CNRIP1: variants seen among roughly 807,000 people sequenced by gnomAD.
CNRIP1 encodes the protein cannabinoid receptor interacting protein 1.
Under a neutral mutation model 15.2 loss-of-function variants are expected in CNRIP1, and 10 were observed. The ratio of observed to expected loss-of-function variants is 0.66; its 90% CI spans 0.41 to 1.12. CNRIP1 has a LOEUF of 1.12. Among genes scored for constraint, CNRIP1 ranks in the 50% most tolerant of loss-of-function variants. The pLI is 0.00. For missense variants in CNRIP1, 211 were observed against 214.7 expected, an observed-to-expected ratio of 0.98 and a Z score of 0.11; for synonymous variants, 91 against 83.2, an observed-to-expected ratio of 1.09 and a Z score of -0.51.
intron 2 of CNRIP1, among the ~76,000 whole-genome samples, chr2:68,303,692 G>A (rs866184571): frequency 1.3e-5 from 2 of 152,200 alleles, no homozygotes; most frequent in Non-Finnish European, 2.9e-5. Context: ...GTCTTCTTCT[G>A]TTTTAATGTG....
chr2:68,288,066 C>CA (rs1671075234), downstream of CNRIP1, among the ~76,000 whole-genome samples: 2 of 132,284 alleles, frequency 1.5e-5, no homozygotes, highest in African/African-American at 2.7e-5. Context: ...TGCAGCCGGC[C>CA]GGCCAGCCAG....
intron 2 of CNRIP1, among the ~76,000 whole-genome samples, chr2:68,300,177 T>G (rs1558663512): frequency 6.6e-6 from 1 of 152,222 alleles, no homozygotes; most frequent in African/African-American, 2.4e-5. Context: ...TATAAGCAAC[T>G]GTTAAACTTT....
At chr2:68,285,915 A>G (rs1369946231) in intron 2 of CNRIP1, among the ~76,000 whole-genome samples, 1 of 152,198 alleles carries the variant, frequency 6.6e-6, no homozygotes, top group Non-Finnish European at 1.5e-5. Context: ...TTAATCTTAT[A>G]AAAATCTCCA....
intron 2 of CNRIP1, among the ~76,000 whole-genome samples, chr2:68,301,893 CAAAAAA>C (rs61613452): frequency 2.4e-4 from 18 of 74,272 alleles, no homozygotes; most frequent in Admixed American, 1.1e-3. Context: ...GTCTCCGTCT[CAAAAAA>C]AAAAAAAAAA....
chr2:68,318,384 C>T (rs1672355416), intron 1 of CNRIP1, among the ~76,000 whole-genome samples: 5 of 152,118 alleles, frequency 3.3e-5, no homozygotes, highest in Admixed American at 6.5e-5. Flanking sequence ...TAGGTAGAAA[C>T]GAGAGGTAAA....
chr2:68,319,155 T>G (rs1672393536), intron 1 of CNRIP1, 67 bp downstream of exon 1: 1 of 1,440,600 alleles, frequency 6.9e-7, no homozygotes, highest in Admixed American at 2.5e-5. Flanking sequence ...CGGGCTGTCC[T>G]GGGGGCCTCA....
At chr2:68,307,890 T>C (rs1292717169) in intron 2 of CNRIP1, among the ~76,000 whole-genome samples, 1 of 152,116 alleles carries the variant, frequency 6.6e-6, no homozygotes, top group East Asian at 1.9e-4. Flanking sequence ...GAAGGCATTG[T>C]TTAGAAAAAT....
At chr2:68,298,594 T>C (rs1428840747) in intron 2 of CNRIP1, among the ~76,000 whole-genome samples, 2 of 152,220 alleles carry the variant, frequency 1.3e-5, no homozygotes, top group Non-Finnish European at 2.9e-5. Context: ...GCAACAGTCA[T>C]AGCTAAAGAT....
chr2:68,299,443 C>T (rs750932177), intron 2 of CNRIP1, among the ~76,000 whole-genome samples: 3 of 152,064 alleles, frequency 2.0e-5, no homozygotes, highest in Non-Finnish European at 4.4e-5. Context: ...GTTCAGTGCC[C>T]TCATAAGGTA....
At chr2:68,306,125 A>C (rs1174017971) in intron 2 of CNRIP1, among the ~76,000 whole-genome samples, 2 of 44,710 alleles carry the variant, frequency 4.5e-5, no homozygotes, top group Non-Finnish European at 7.9e-5. Flanking sequence ...CCACCTCTAC[A>C]AAAAAAAAAA....
At position 68,310,199 on chromosome 2, in the gene CNRIP1, G is replaced by A. The variant is rs139052900; in HGVS notation, c.330+6958C>T. Among the ~76,000 whole-genome samples, 71 of 152,276 alleles carry A rather than the reference G, an allele frequency of 4.7e-4. 1 individual carries two copies. In the East Asian group the frequency reaches 0.011, roughly 24 times the overall value. ...AAAAATTAGCCAGGTGTGGTGGCAC[G>A]CGCCTGTAGCCCCAGCTACTCTGGC... is the stretch of plus-strand genomic sequence containing the variant. On this transcript the variant is annotated intron_variant, in intron 2 of 2. Transcript: ENST00000263655.
intron 2 of CNRIP1, among the ~76,000 whole-genome samples, chr2:68,311,779 G>GAA (rs59421926): frequency 2.4e-4 from 22 of 90,246 alleles, no homozygotes; most frequent in African/African-American, 9.5e-4. Context: ...CATCTCCGGG[G>GAA]AAAAAAAAAA....
intron 2 of CNRIP1, among the ~76,000 whole-genome samples, chr2:68,296,626 GTTCTT>G (rs1558662244): frequency 6.6e-6 from 1 of 151,370 alleles, no homozygotes; most frequent in Non-Finnish European, 1.5e-5. Flanking sequence ...TTTCTCCTAT[GTTCTT>G]TTTTTAATTT....
chr2:68,311,147 C>T (rs1672059315), intron 2 of CNRIP1, among the ~76,000 whole-genome samples: 2 of 152,238 alleles, frequency 1.3e-5, no homozygotes, highest in South Asian at 4.1e-4. Context: ...GTTAATAATA[C>T]TCCAATTTTG....
At chr2:68,309,962 T>C (rs142284133) in intron 2 of CNRIP1, among the ~76,000 whole-genome samples, 42 of 152,282 alleles carry the variant, frequency 2.8e-4, no homozygotes, top group Admixed American at 1.2e-3. Flanking sequence ...TATGTATGTA[T>C]GTATGTATGT....
chr2:68,311,213 A>C (rs28791776), intron 2 of CNRIP1, among the ~76,000 whole-genome samples: 19,454 of 152,072 alleles, frequency 0.13, 3,947 homozygotes, highest in African/African-American at 0.43. Context: ...GGGGGGAAAA[A>C]CCAGTTAAGA....
intron 2 of CNRIP1, among the ~76,000 whole-genome samples, chr2:68,302,433 A>C (rs932469114): frequency 7.9e-5 from 12 of 152,190 alleles, no homozygotes; most frequent in African/African-American, 2.4e-4. Flanking sequence ...CAGACTCTCT[A>C]TCTGGCCTTT....
chr2:68,302,972 C>A (rs1473913137), intron 2 of CNRIP1, among the ~76,000 whole-genome samples: 2 of 151,692 alleles, frequency 1.3e-5, no homozygotes, highest in African/African-American at 2.4e-5. Flanking sequence ...CTCAGCCTCC[C>A]GAGTAGCTGG....
intron 2 of CNRIP1, among the ~76,000 whole-genome samples, chr2:68,311,756 C>A (rs1322719990): frequency 1.7e-5 from 2 of 117,488 alleles, no homozygotes; most frequent in Non-Finnish European, 1.6e-5. Context: ...GCCTGAGAGA[C>A]AGAGTGAGAC....
Sources: allele counts gnomAD v4.1 joint callset (sites outside exome capture counted in the v4.1 genomes callset), GRCh38; gene constraint gnomAD v4.1.1; transcripts MANE v1.5; gene names NCBI Gene and HGNC (gene_info 2026-07-23, HGNC 2026-07-21).